The following NFIX variants were observed in gnomAD, a reference collection of about 807,000 sequenced individuals.
NFIX encodes the protein nuclear factor I X.
A neutral mutation model predicts 53.3 loss-of-function variants in NFIX; 2 were observed. The observed-to-expected ratio is 0.04, with a 90% CI of 0.02 to 0.12. NFIX has a LOEUF of 0.12. NFIX is among the 10% of genes least tolerant of loss of function. The pLI, the probability that NFIX is intolerant of heterozygous loss-of-function variation, is 1.00. For synonymous variants in NFIX, 244 were observed against 289.0 expected, an observed-to-expected ratio of 0.84 and a Z score of 1.58; for missense variants, 310 against 674.5, an observed-to-expected ratio of 0.46 and a Z score of 5.99.
rs1197696221 is a variant in NFIX at position 13,045,667 on chromosome 19, C to T, written c.559+20115C>T. Among the ~76,000 whole-genome samples, 2 of 152,166 alleles carry T rather than the reference C, an allele frequency of 1.3e-5. No homozygotes were observed. Among genetic ancestry groups the T allele is most frequent in the African/African-American group, 2.4e-5 (1 of 41,424 alleles). On this transcript the variant is annotated intron_variant, in intron 2 of 10. Coordinates refer to ENST00000592199, the MANE Select transcript of NFIX (RefSeq NM_001365902.3). This position sits in a 1 kb window ranked among gnomAD's most constrained non-coding sequence, Gnocchi z 4.4. ...GTAGGAGAGAGGGGCAGCAGGCACA[C>T]TGGGTTGACAACTGCACTGTGTTGA...
Position 13,073,841 on chromosome 19 carries a change from A to C in NFIX, c.698-65A>C. On this transcript the variant is annotated intron_variant, in intron 4 of 10. Coordinates refer to ENST00000592199, the MANE Select transcript of NFIX (RefSeq NM_001365902.3). The surrounding 1 kb of genome is among the most constrained non-coding windows in gnomAD (Gnocchi z 4.5). The stretch of plus-strand genomic sequence containing the variant: ...GGGCTTCTGGGAAGCTGTTCATGAC[A>C]AAGAAACAGACCCCATCAGGCCTCC... 1.2e-6 allele frequency: 2 copies of C among 1,608,480 alleles called. No homozygotes were observed. Among genetic ancestry groups the C allele is most frequent in the Non-Finnish European group, 1.7e-6 (2 of 1,176,268 alleles).
At chr19:13,091,455 C>T (rs2145521854) in intron 10 of NFIX, among the ~76,000 whole-genome samples, 1 of 148,772 alleles carries the variant, frequency 6.7e-6, no homozygotes. Context: ...AACTTCAGAG[C>T]TCCCTAGTGG....
At position 12,998,460 on chromosome 19, in the gene NFIX, C is replaced by CG. The variant is rs1014439096; in HGVS notation, c.27+2602dup. On this transcript the variant is annotated intron_variant, in intron 1 of 10. Transcript: ENST00000592199. The surrounding 1 kb of genome is among the most constrained non-coding windows in gnomAD (Gnocchi z 4.4). ...AGGTACTGTGGGCGAGGGGGAAGGG[C>CG]GGGGGGAAAAATCTCCTTCTAGAAA... Among the ~76,000 whole-genome samples the CG allele has an allele frequency of 1.8e-4, 27 of 147,966 alleles. No individual in the cohort carries two copies. The highest frequency in any genetic ancestry group is 5.9e-4 in the African/African-American group (24 of 40,444).
Position 13,090,322 on chromosome 19 carries a change from T to A in NFIX, c.1426T>A (p.Ser476Thr). 1.1e-5 allele frequency: 17 copies of A among 1,613,976 alleles called. No individual in the cohort carries two copies. The highest frequency in any genetic ancestry group is 1.4e-5 in the Non-Finnish European group (17 of 1,179,876). The part of the protein sequence containing the change: ...SPSFATTGAS[S>T]ANRFVSIGPR... ...AGCATTCGCAACGACAGGCGCCTCC[T>A]CTGCCAACCGGTTTGTCAGCATCGG... The change falls in exon 10 of 11, where the codon TCT (serine) becomes ACT (threonine). Residue 476 changes from serine (S) to threonine (T), a missense_variant. By Grantham distance (58) the Ser-to-Thr change is moderately conservative. This residue lies in a region of NFIX where 44 missense variants were observed against 73.4 expected (regional missense o/e 0.60). Coordinates refer to ENST00000592199, the MANE Select transcript of NFIX (RefSeq NM_001365902.3). The surrounding 1 kb of genome is among the most constrained non-coding windows in gnomAD (Gnocchi z 6.6).
chr19:13,010,823 G>C (rs2012299598), intron 1 of NFIX, among the ~76,000 whole-genome samples: 1 of 152,180 alleles, frequency 6.6e-6, no homozygotes, highest in Non-Finnish European at 1.5e-5. Flanking sequence ...CGGCATTCAG[G>C]TTGTTGCGGG....
intron 5 of NFIX, 111 bp from the exon 6 acceptor site, chr19:13,075,424 C>T (rs990266539): frequency 5.9e-5 from 72 of 1,228,396 alleles, no homozygotes; most frequent in Admixed American, 2.7e-4. Flanking sequence ...CGGCCGGCAC[C>T]ACTCCCCACC....
At chr19:13,062,978 AG>A (rs1568305806) in intron 2 of NFIX, among the ~76,000 whole-genome samples, 1 of 152,198 alleles carries the variant, frequency 6.6e-6, no homozygotes, top group Admixed American at 6.5e-5. Context: ...TGGGTTCTAC[AG>A]TTCTAATCCC....
intron 1 of NFIX, among the ~76,000 whole-genome samples, chr19:12,997,559 A>G (rs2011514595): frequency 6.6e-6 from 1 of 152,144 alleles, no homozygotes; most frequent in South Asian, 2.1e-4. Context: ...ACAACTGCCT[A>G]CCCAGCGGTG....
In NFIX at chr19:13,040,610, C is replaced by T. The variant is rs988313624; in HGVS notation, c.559+15058C>T. Among the ~76,000 whole-genome samples the T allele has an allele frequency of 3.3e-5, 5 of 152,224 alleles. No homozygotes were observed. Among genetic ancestry groups the T allele is most frequent in the Non-Finnish European group, 7.3e-5 (5 of 68,042 alleles). ...CATGGCTGCTATTCCTGCCCTCCAT[C>T]TCCTGGAGACCCCTTCAGTCTGGGC... On this transcript the variant is annotated intron_variant, in intron 2 of 10. Coordinates refer to ENST00000592199, the MANE Select transcript of NFIX (RefSeq NM_001365902.3). The surrounding 1 kb of genome is among the most constrained non-coding windows in gnomAD (Gnocchi z 4.2).
At chr19:13,024,948 C>G in intron 1 of NFIX, 73 bp from the exon 2 acceptor site, 1 of 1,540,950 alleles carries the variant, frequency 6.5e-7, no homozygotes, top group Non-Finnish European at 8.8e-7. Context: ...CTCCTTCTCT[C>G]TTTCCCCCTC....
Position 13,021,408 on chromosome 19 carries a change from G to A in NFIX, c.28-3613G>A, listed in dbSNP as rs1468037084. 2.6e-5 allele frequency among the ~76,000 whole-genome samples: 4 copies of A among 152,144 alleles called. No individual in the cohort carries two copies. Among genetic ancestry groups the A allele is most frequent in the Admixed American group, 1.3e-4 (2 of 15,270 alleles). On this transcript the variant is annotated intron_variant, in intron 1 of 10. Coordinates refer to ENST00000592199, the MANE Select transcript of NFIX (RefSeq NM_001365902.3). The surrounding 1 kb of genome is among the most constrained non-coding windows in gnomAD (Gnocchi z 4.2). ...CCCTCTCCCATTGTCAGGGTTCAGC[G>A]CCAGCCCAGGGCTGGATGTTTTATT...
At chr19:13,010,879 C>A (rs761110380) in intron 1 of NFIX, among the ~76,000 whole-genome samples, 6 of 152,202 alleles carry the variant, frequency 3.9e-5, no homozygotes, top group Non-Finnish European at 7.3e-5. Context: ...CCATCCCTCT[C>A]GGAACACCCG....
In NFIX at chr19:13,049,671, G is replaced by T. The variant is rs546630588; in HGVS notation, c.560-23376G>T. On this transcript the variant is annotated intron_variant, in intron 2 of 10. Coordinates refer to ENST00000592199, the MANE Select transcript of NFIX (RefSeq NM_001365902.3). This position sits in a 1 kb window ranked among gnomAD's most constrained non-coding sequence, Gnocchi z 4.5. ...TGCAGTGGCGCGATCTCTGCTCACTGCAACCTCTGCCTCCTGGGTTCAAGC... is the reference window on the plus strand; with the variant it reads ...TGCAGTGGCGCGATCTCTGCTCACTTCAACCTCTGCCTCCTGGGTTCAAGC... Among the ~76,000 whole-genome samples the T allele has an allele frequency of 6.6e-6, 1 of 150,716 alleles. No individual in the cohort carries two copies. Among genetic ancestry groups the T allele is most frequent in the Admixed American group, 6.6e-5 (1 of 15,120 alleles).
rs1399678652 is a variant in NFIX at position 13,060,869 on chromosome 19, G to A, written c.560-12178G>A. 6.6e-6 allele frequency among the ~76,000 whole-genome samples: 1 copy of A among 152,142 alleles called. No homozygotes were observed. The highest frequency in any genetic ancestry group is 1.5e-5 in the Non-Finnish European group (1 of 68,034). On this transcript the variant is annotated intron_variant, in intron 2 of 10. Transcript: ENST00000592199. The surrounding 1 kb of genome is among the most constrained non-coding windows in gnomAD (Gnocchi z 4.3). ...CCCGGCTGCTGCCGCCACTGCAGAG[G>A]GCGCTGATTTTTTTTTTCTTCCTGA...
At chr19:13,056,101 C>T (rs2015670774) in intron 2 of NFIX, among the ~76,000 whole-genome samples, 1 of 152,190 alleles carries the variant, frequency 6.6e-6, no homozygotes, top group Admixed American at 6.5e-5. Flanking sequence ...CCAGGGAGCC[C>T]TGCTCTGCGG....
intron 6 of NFIX, among the ~76,000 whole-genome samples, chr19:13,076,075 T>C (rs2017084782): frequency 6.6e-6 from 1 of 152,160 alleles, no homozygotes; most frequent in Non-Finnish European, 1.5e-5. Context: ...CATGGCAGGA[T>C]GTTTAGCAGC....
intron 2 of NFIX, among the ~76,000 whole-genome samples, chr19:13,058,320 G>A (rs564241713): frequency 3.9e-5 from 6 of 152,074 alleles, no homozygotes; most frequent in East Asian, 1.9e-4. Context: ...TCTGGACCTC[G>A]GTAGGCATGA....
At chr19:13,010,456 C>T (rs2012277610) in intron 1 of NFIX, among the ~76,000 whole-genome samples, 2 of 152,406 alleles carry the variant, frequency 1.3e-5, no homozygotes, top group South Asian at 4.1e-4. Flanking sequence ...GCAGCATGCC[C>T]TTGCCCGGCG....
rs1373164420 is a variant in NFIX, at chr19:13,096,946, G to A, written c.*2297G>A. 6.9e-6 allele frequency: 1 copy of A among 144,142 alleles called. No individual in the cohort carries two copies. The allele number at this position is 144,142 out of a possible 1,614,324, so 8.9% of individuals were successfully genotyped here. ...AACAGGAGATGTGGGGACGTGTTAG[G>A]AGAGAAAAAAAAAAAAACAAAAATA... On this transcript the variant is annotated 3_prime_UTR_variant, in exon 11 of 11. Transcript: ENST00000592199.
Sources: gnomAD v4.1 joint callset for allele counts (sites outside exome capture counted in the v4.1 genomes callset) on GRCh38, gnomAD v4.1.1 for gene constraint, gnomAD v4.1.1 regional missense constraint, Gnocchi (gnomAD v3.1) non-coding constraint, MANE v1.5 for transcripts, NCBI Gene and HGNC (gene_info 2026-07-23, HGNC 2026-07-21) for gene names.